The following ASPRV1 variants were observed in gnomAD, a reference collection of about 807,000 sequenced individuals.
The protein encoded by ASPRV1 is aspartic peptidase retroviral like 1.
Under a neutral mutation model 11.0 loss-of-function variants are expected in ASPRV1, and 7 were observed. The ratio of observed to expected loss-of-function variants is 0.64; its 90% CI spans 0.36 to 1.20. The LOEUF (loss-of-function observed/expected upper bound fraction) is 1.20. Ranked by LOEUF, ASPRV1 falls within the 50% of genes most tolerant of loss-of-function variation. The probability of loss-of-function intolerance (pLI) is 0.02; values close to 1 mark genes in which losing one functional copy is unlikely to be tolerated. For missense variants in ASPRV1, 299 were observed against 320.0 expected, an observed-to-expected ratio of 0.93 and a Z score of 0.50; for synonymous variants, 136 against 138.4, an observed-to-expected ratio of 0.98 and a Z score of 0.12.
At chr2:70,076,590 G>A in the ASPRV1 span, among the ~76,000 whole-genome samples, 12 of 152,228 alleles carry the variant, frequency 7.9e-5, no homozygotes, top group South Asian at 1.9e-3. Flanking sequence ...GTTACATCTC[G>A]AATACCGTAA....
the ASPRV1 span, among the ~76,000 whole-genome samples, chr2:70,016,937 A>G: frequency 6.6e-6 from 1 of 152,204 alleles, no homozygotes; most frequent in Non-Finnish European, 1.5e-5. Flanking sequence ...AACATATACA[A>G]ATCAATAAAT....
At chr2:70,005,769 T>A in the ASPRV1 span, among the ~76,000 whole-genome samples, 1 of 152,144 alleles carries the variant, frequency 6.6e-6, no homozygotes, top group Non-Finnish European at 1.5e-5. Context: ...CCCCCAAACT[T>A]CACTAGCCAT....
the ASPRV1 span, among the ~76,000 whole-genome samples, chr2:70,047,817 A>T: frequency 6.6e-6 from 1 of 152,142 alleles, no homozygotes; most frequent in African/African-American, 2.4e-5. Flanking sequence ...TGTGTTAGAA[A>T]AACAAGTCAT....
At chr2:70,085,791 G>A in the ASPRV1 span, 2 of 152,226 alleles carry the variant, frequency 1.3e-5, no homozygotes, top group Non-Finnish European at 2.9e-5. Flanking sequence ...ACACTTAATT[G>A]TGGTAAACTA....
chr2:70,075,347 C>CAAAAAAAA, the ASPRV1 span: 1 of 55,540 alleles, frequency 1.8e-5, no homozygotes, highest in African/African-American at 5.1e-5. Flanking sequence ...GACAACATCT[C>CAAAAAAAA]AAAAAAAAAA....
At chr2:70,019,108 T>C in the ASPRV1 span, 4 of 152,126 alleles carry the variant, frequency 2.6e-5, no homozygotes, top group Non-Finnish European at 2.9e-5. Flanking sequence ...TCAAAGGACT[T>C]GAACAGACAT....
chr2:70,085,634 AG>A, the ASPRV1 span: 17 of 94,142 alleles, frequency 1.8e-4, no homozygotes, highest in African/African-American at 1.6e-3. Flanking sequence ...TCTGTTTAAA[AG>A]AGAGAGAGAG....
At chr2:70,023,427 C>G in the ASPRV1 span, among the ~76,000 whole-genome samples, 1 of 152,164 alleles carries the variant, frequency 6.6e-6, no homozygotes, top group African/African-American at 2.4e-5. Context: ...GCCCAGGGTT[C>G]CCTCCATTGG....
the ASPRV1 span, among the ~76,000 whole-genome samples, chr2:69,988,005 C>A: frequency 1.3e-5 from 2 of 152,230 alleles, no homozygotes; most frequent in Admixed American, 6.5e-5. Context: ...AGGTTTAAAA[C>A]CCCTGCCACA....
the ASPRV1 span, among the ~76,000 whole-genome samples, chr2:69,933,010 C>T: frequency 1.3e-5 from 2 of 151,838 alleles, no homozygotes; most frequent in African/African-American, 4.8e-5. Flanking sequence ...ACCAGCCTGG[C>T]CAACATGGTG....
At chr2:70,060,959 C>G in the ASPRV1 span, among the ~76,000 whole-genome samples, 1 of 152,216 alleles carries the variant, frequency 6.6e-6, no homozygotes, top group Non-Finnish European at 1.5e-5. Flanking sequence ...AAGTTCCCTG[C>G]CCTCACAGAG....
chr2:69,961,145 G>T lies in ASPRV1; in HGVS notation c.292C>A (p.Leu98Met). Residue 98 changes from leucine to methionine, a missense_variant, in exon 1 of 1, where the codon CTG becomes ATG. Transcript: ENST00000320256. ...FGVPGAAPSH[L>M]PKEIVFANSM... ...TTGGCAAAGACGATCTCTTTGGGCAGGTGGCTGGGGGCAGCCCCAGGGACC... is the reference window on the plus strand; with the variant it reads ...TTGGCAAAGACGATCTCTTTGGGCATGTGGCTGGGGGCAGCCCCAGGGACC... 2.5e-6 allele frequency: 4 copies of T among 1,613,894 alleles called. No individual in the cohort carries two copies. Among genetic ancestry groups the T allele is most frequent in the Non-Finnish European group, 3.4e-6 (4 of 1,179,872 alleles).
chr2:70,058,144 T>C, the ASPRV1 span, among the ~76,000 whole-genome samples: 1 of 152,220 alleles, frequency 6.6e-6, no homozygotes, highest in Admixed American at 6.5e-5. Flanking sequence ...ATCACGGATA[T>C]GATCAAGGAA....
chr2:69,984,605 T>A, the ASPRV1 span, among the ~76,000 whole-genome samples: 1 of 134,118 alleles, frequency 7.5e-6, no homozygotes, highest in Admixed American at 7.9e-5. Flanking sequence ...GGGATTCAGG[T>A]CCAGCTTTTT....
At chr2:69,989,831 G>A in the ASPRV1 span, among the ~76,000 whole-genome samples, 5 of 152,320 alleles carry the variant, frequency 3.3e-5, no homozygotes, top group East Asian at 3.9e-4. Context: ...TCTTGAAGGC[G>A]GGGACCCACC....
At chr2:69,988,280 A>G in the ASPRV1 span, among the ~76,000 whole-genome samples, 2 of 152,262 alleles carry the variant, frequency 1.3e-5, no homozygotes, top group East Asian at 1.9e-4. Context: ...GCGCCCACGC[A>G]TGGCTGAACA....
chr2:70,082,948 T>G, the ASPRV1 span, among the ~76,000 whole-genome samples: 1 of 152,156 alleles, frequency 6.6e-6, no homozygotes, highest in East Asian at 1.9e-4. Flanking sequence ...GTATGCTTGC[T>G]GAACCAGGTA....
At chr2:69,938,327 T>C in the ASPRV1 span, 3,696 of 1,599,904 alleles carry the variant, frequency 2.3e-3, 78 homozygotes, top group African/African-American at 0.044. Flanking sequence ...TTCTCCCTGT[T>C]GGTTCTGATT....
the ASPRV1 span, among the ~76,000 whole-genome samples, chr2:70,061,711 T>A: frequency 6.6e-6 from 1 of 150,410 alleles, no homozygotes; most frequent in Non-Finnish European, 1.5e-5. Flanking sequence ...TCCCAGCACT[T>A]TGGGAGGCAA....
Sources: gnomAD v4.1 joint callset for allele counts (sites outside exome capture counted in the v4.1 genomes callset) on GRCh38, gnomAD v4.1.1 for gene constraint, MANE v1.5 for transcripts, NCBI Gene and HGNC (gene_info 2026-07-23, HGNC 2026-07-21) for gene names.